ASTN2: variants seen among roughly 807,000 people sequenced by gnomAD.
The protein encoded by ASTN2 is astrotactin 2.
In ASTN2, 54 loss-of-function variants were observed where a neutral mutation model predicts 139.8. The ratio of observed to expected loss-of-function variants is 0.39; its 90% CI spans 0.31 to 0.48. The LOEUF (loss-of-function observed/expected upper bound fraction) is 0.48, where lower values mean the gene tolerates loss of function less well. Ranked by LOEUF, ASTN2 falls within the 20% of genes least tolerant of loss-of-function variation. ASTN2 has a pLI of 0.95. For missense variants in ASTN2, 1,565 were observed against 1,725.1 expected, an observed-to-expected ratio of 0.91 and a Z score of 1.64; for synonymous variants, 756 against 719.5, an observed-to-expected ratio of 1.05 and a Z score of -0.81.
chr9:117,281,125 A>G (rs915643898), intron 2 of ASTN2, among the ~76,000 whole-genome samples: 1 of 152,210 alleles, frequency 6.6e-6, no homozygotes, highest in African/African-American at 2.4e-5. Flanking sequence ...GCCAAGAACG[A>G]TAACAGAGTA....
intron 17 of ASTN2, among the ~76,000 whole-genome samples, chr9:116,639,516 C>A (rs896836256): frequency 2.6e-5 from 4 of 152,132 alleles, no homozygotes; most frequent in Admixed American, 6.5e-5. Flanking sequence ...CAGGCCCTTA[C>A]CACCACTGTT....
intron 16 of ASTN2, among the ~76,000 whole-genome samples, chr9:116,681,155 T>C (rs957340282): frequency 1.3e-5 from 2 of 152,252 alleles, no homozygotes; most frequent in Non-Finnish European, 2.9e-5. Context: ...CTCCTTAAGC[T>C]GATAAGCAAC....
intron 1 of ASTN2, among the ~76,000 whole-genome samples, chr9:117,397,467 G>C (rs1830707276): frequency 6.6e-6 from 1 of 152,082 alleles, no homozygotes. Flanking sequence ...AAAATTACTT[G>C]GCAAGCATCT....
chr9:116,622,712 G>A (rs536069585), intron 17 of ASTN2, among the ~76,000 whole-genome samples: 1 of 152,148 alleles, frequency 6.6e-6, no homozygotes, highest in Non-Finnish European at 1.5e-5. Flanking sequence ...TAAAACACAA[G>A]GTGCTCAGTT....
intron 11 of ASTN2, among the ~76,000 whole-genome samples, chr9:116,822,345 C>T (rs1041773800): frequency 2.6e-5 from 4 of 152,110 alleles, no homozygotes; most frequent in Non-Finnish European, 4.4e-5. Flanking sequence ...TGTCAAGCTG[C>T]AGAAAGGTTA....
chr9:117,338,801 G>A (rs1828975095), intron 1 of ASTN2, among the ~76,000 whole-genome samples: 1 of 149,036 alleles, frequency 6.7e-6, no homozygotes, highest in Admixed American at 6.7e-5. Flanking sequence ...AATAACTTTT[G>A]CACCAACCTA....
intron 16 of ASTN2, among the ~76,000 whole-genome samples, chr9:116,692,784 C>T (rs1354872867): frequency 6.6e-6 from 1 of 152,088 alleles, no homozygotes; most frequent in African/African-American, 2.4e-5. Flanking sequence ...CCTTTTCTTC[C>T]CCTTTTGCCC....
At chr9:116,939,413 A>T (rs1835166651) in intron 10 of ASTN2, among the ~76,000 whole-genome samples, 1 of 152,196 alleles carries the variant, frequency 6.6e-6, no homozygotes. Flanking sequence ...ATTTATTATT[A>T]TTATCATTAT....
chr9:116,801,505 G>T (rs1226714127), intron 13 of ASTN2, among the ~76,000 whole-genome samples: 5 of 145,044 alleles, frequency 3.4e-5, no homozygotes, highest in Non-Finnish European at 7.5e-5. Flanking sequence ...CGTGAACCTG[G>T]GAGGTGGAGG....
intron 2 of ASTN2, among the ~76,000 whole-genome samples, chr9:117,264,536 C>T (rs778492233): frequency 2.0e-5 from 3 of 152,014 alleles, no homozygotes; most frequent in African/African-American, 4.8e-5. Flanking sequence ...AATATAGCAC[C>T]GGTTTTATAT....
At chr9:117,145,248 C>T (rs1411530630) in intron 3 of ASTN2, among the ~76,000 whole-genome samples, 1 of 152,118 alleles carries the variant, frequency 6.6e-6, no homozygotes, top group East Asian at 1.9e-4. Context: ...TACCCGCATT[C>T]CTTGGAAAAG....
intron 16 of ASTN2, among the ~76,000 whole-genome samples, chr9:116,678,060 G>C (rs1859616378): frequency 1.3e-5 from 2 of 152,048 alleles, no homozygotes; most frequent in Non-Finnish European, 2.9e-5. Context: ...ATGCCTTTTT[G>C]TTCATATGAC....
At chr9:116,677,432 G>T (rs1366459289) in intron 16 of ASTN2, among the ~76,000 whole-genome samples, 1 of 152,088 alleles carries the variant, frequency 6.6e-6, no homozygotes, top group African/African-American at 2.4e-5. Flanking sequence ...TGAGTTTGGG[G>T]GTATCAGAAA....
chr9:116,873,039 T>C (rs968841168), intron 10 of ASTN2, among the ~76,000 whole-genome samples: 2 of 152,166 alleles, frequency 1.3e-5, no homozygotes, highest in African/African-American at 4.8e-5. Context: ...AGATGAATAG[T>C]TTACACAAAT....
chr9:116,686,581 G>A, intron 16 of ASTN2: 2 of 1,075,148 alleles, frequency 1.9e-6, no homozygotes, highest in East Asian at 5.2e-5. Context: ...CCTCGTCCTT[G>A]CCAGATGCCT....
At chr9:117,409,146 T>C (rs1449920534) in intron 1 of ASTN2, among the ~76,000 whole-genome samples, 1 of 152,118 alleles carries the variant, frequency 6.6e-6, no homozygotes, top group Non-Finnish European at 1.5e-5. Flanking sequence ...TCTCAAGAAA[T>C]CAAATTTTCT....
intron 12 of ASTN2, among the ~76,000 whole-genome samples, chr9:116,810,920 G>A (rs1037312503): frequency 1.3e-5 from 2 of 151,844 alleles, no homozygotes; most frequent in South Asian, 2.1e-4. Context: ...CTCAAACTTC[G>A]TAATTTATAT....
chr9:117,080,449 A>G (rs555982779), intron 5 of ASTN2, among the ~76,000 whole-genome samples: 1 of 152,308 alleles, frequency 6.6e-6, no homozygotes, highest in African/African-American at 2.4e-5. Context: ...TTCAAGAAAA[A>G]TGTACAGTGT....
chr9:116,816,937 C>T (rs1033548368), intron 12 of ASTN2, among the ~76,000 whole-genome samples: 1 of 75,150 alleles, frequency 1.3e-5, no homozygotes, highest in Non-Finnish European at 3.3e-5. Context: ...GGGAAAATGT[C>T]ATTTCTATAT....
Sources: allele counts gnomAD v4.1 joint callset (sites outside exome capture counted in the v4.1 genomes callset), GRCh38; gene constraint gnomAD v4.1.1; transcripts MANE v1.5; gene names NCBI Gene and HGNC (gene_info 2026-07-23, HGNC 2026-07-21).